Variants in CCNYL1 observed in about 807,000 individuals in gnomAD.
The protein encoded by CCNYL1 is cyclin Y like 1, also known as cyclin-Y-like protein 1.
Under a neutral mutation model 44.2 loss-of-function variants are expected in CCNYL1, and 16 were observed. The ratio of observed to expected loss-of-function variants is 0.36; its 90% CI spans 0.25 to 0.55. The LOEUF (loss-of-function observed/expected upper bound fraction) is 0.55. Among genes scored for constraint, CCNYL1 ranks in the 20% least tolerant of loss-of-function variants. CCNYL1 has a pLI of 0.85. For synonymous variants in CCNYL1, 159 were observed against 163.2 expected, an observed-to-expected ratio of 0.97 and a Z score of 0.20; for missense variants, 348 against 451.8, an observed-to-expected ratio of 0.77 and a Z score of 2.08.
intron 3 of CCNYL1, among the ~76,000 whole-genome samples, chr2:207,730,258 T>C (rs2091716989): frequency 6.6e-6 from 1 of 152,194 alleles, no homozygotes; most frequent in Admixed American, 6.5e-5. Context: ...TCCAACTACA[T>C]ATTTTCAGCC....
In CCNYL1 at chr2:207,747,223, T is replaced by C. The variant is rs747592867; in HGVS notation, c.806+10T>C. 6.3e-7 allele frequency: 1 copy of C among 1,595,048 alleles called. No individual in the cohort carries two copies. The highest frequency in any genetic ancestry group is 1.1e-5 in the South Asian group (1 of 89,066). ...TTACAGTTGAGGACATGTGAGTTTG[T>C]AAGGTTTTGGTGAACTTTCTAACCA... is the stretch of plus-strand genomic sequence containing the variant. On this transcript the variant is annotated intron_variant, in intron 8 of 9. Coordinates refer to ENST00000295414, the MANE Select transcript of CCNYL1 (RefSeq NM_001330218.2).
At chr2:207,722,438 A>G (rs981031304) in intron 1 of CCNYL1, among the ~76,000 whole-genome samples, 1 of 151,954 alleles carries the variant, frequency 6.6e-6, no homozygotes, top group Non-Finnish European at 1.5e-5. Context: ...AATACATAGT[A>G]GCACATCTTG....
intron 3 of CCNYL1, among the ~76,000 whole-genome samples, chr2:207,731,145 A>G (rs1176975840): frequency 6.6e-6 from 1 of 152,018 alleles, no homozygotes; most frequent in South Asian, 2.1e-4. Flanking sequence ...AATGTCAGAA[A>G]TTTTTAAGTT....
chr2:207,726,876 T>C lies in CCNYL1; in HGVS notation c.330T>C (p.His110=). ...REKRKSNHLN[H]VSPGQLTKKY... ...AGAGGAAGAGCAACCATTTGAACCA[T>C]GTAAGTAAACAGTTGGAAAGCTAAG... The change falls in exon 3 of 10, where the codon CAT becomes CAC. Residue 110 remains histidine, a splice_region_variant and synonymous_variant. Coordinates refer to ENST00000295414, the MANE Select transcript of CCNYL1 (RefSeq NM_001330218.2). 1.9e-6 allele frequency: 3 copies of C among 1,553,518 alleles called. No homozygotes were observed. Among genetic ancestry groups the C allele is most frequent in the East Asian group, 2.4e-5 (1 of 41,282 alleles).
At chr2:207,721,801 C>T (rs1199540791) in intron 1 of CCNYL1, among the ~76,000 whole-genome samples, 1 of 149,608 alleles carries the variant, frequency 6.7e-6, no homozygotes, top group Non-Finnish European at 1.5e-5. Context: ...GTGGCGCCAT[C>T]TCGGCTCACT....
chr2:207,713,119 TAACTC>T (rs1381758404), intron 1 of CCNYL1, among the ~76,000 whole-genome samples: 4 of 152,224 alleles, frequency 2.6e-5, no homozygotes, highest in Non-Finnish European at 4.4e-5. Context: ...CAGAGGTTGT[TAACTC>T]AAAGGAGTTT....
intron 1 of CCNYL1, among the ~76,000 whole-genome samples, chr2:207,722,073 A>ATT (rs397987558): frequency 0.046 from 5,509 of 119,406 alleles, 183 homozygotes; most frequent in Non-Finnish European, 0.049. Context: ...GTTGCCTTGG[A>ATT]TTTTTTTTTT....
At chr2:207,718,331 C>G (rs2091613219) in intron 1 of CCNYL1, among the ~76,000 whole-genome samples, 1 of 152,018 alleles carries the variant, frequency 6.6e-6, no homozygotes, top group African/African-American at 2.4e-5. Flanking sequence ...GGACAACGTG[C>G]TGAGACCCTG....
chr2:207,737,893 ACT>A (rs144281031), intron 5 of CCNYL1, among the ~76,000 whole-genome samples: 2 of 152,154 alleles, frequency 1.3e-5, no homozygotes, highest in East Asian at 1.9e-4. Context: ...ATGAAAAATA[ACT>A]CTCTTCTACA....
intron 6 of CCNYL1, among the ~76,000 whole-genome samples, chr2:207,742,001 A>G (rs2091814667): frequency 6.6e-6 from 1 of 150,590 alleles, no homozygotes; most frequent in African/African-American, 2.5e-5. Flanking sequence ...AAATACAAAA[A>G]CTAGCTGGGC....
At chr2:207,721,035 C>A (rs899515249) in intron 1 of CCNYL1, among the ~76,000 whole-genome samples, 2 of 152,082 alleles carry the variant, frequency 1.3e-5, no homozygotes, top group African/African-American at 4.8e-5. Flanking sequence ...GTAAGACTTA[C>A]CTGATGGGTG....
chr2:207,714,401 G>A, intron 1 of CCNYL1: 1 of 411,472 alleles, frequency 2.4e-6, no homozygotes, highest in Non-Finnish European at 4.7e-6. Context: ...GGCTCAAGCA[G>A]TCCTCCCACC....
At position 207,741,719 on chromosome 2, in the gene CCNYL1, G is replaced by A. The variant is rs979093108; in HGVS notation, c.520-504G>A. On this transcript the variant is annotated intron_variant, in intron 6 of 9. Coordinates refer to ENST00000295414, the MANE Select transcript of CCNYL1 (RefSeq NM_001330218.2). ...AAATTAGCCGGACATGTTGGTGCAC[G>A]CCTGTAATCCCAGCTACTCAGGAGG... Among the ~76,000 whole-genome samples, 3 of 151,806 alleles carry A rather than the reference G, an allele frequency of 2.0e-5. No individual in the cohort carries two copies. The East Asian group carries it at 5.8e-4, about 29-fold the overall frequency.
chr2:207,749,450 T>A (rs1302520701), intron 8 of CCNYL1, among the ~76,000 whole-genome samples: 1 of 152,154 alleles, frequency 6.6e-6, no homozygotes, highest in African/African-American at 2.4e-5. Flanking sequence ...ATTCAGACGG[T>A]TTGCTGTGCC....
intron 9 of CCNYL1, 137 bp from the exon 10 acceptor site, chr2:207,753,451 G>A: frequency 1.7e-6 from 1 of 589,422 alleles, no homozygotes. Context: ...ACCTGGCAGT[G>A]TAAAACTCAG....
chr2:207,729,278 CCA>C (rs2091705880), intron 3 of CCNYL1, among the ~76,000 whole-genome samples: 5 of 114,202 alleles, frequency 4.4e-5, no homozygotes, highest in African/African-American at 1.2e-4. Context: ...CCCACCCCCC[CCA>C]CCCCCCCGCA....
chr2:207,720,441 G>C (rs1304921887), intron 1 of CCNYL1, among the ~76,000 whole-genome samples: 2 of 147,216 alleles, frequency 1.4e-5, no homozygotes, highest in East Asian at 4.0e-4. Context: ...TCACAACTCT[G>C]CCTGTCGCCC....
At chr2:207,722,584 G>A (rs1281633894) in intron 1 of CCNYL1, among the ~76,000 whole-genome samples, 3 of 151,920 alleles carry the variant, frequency 2.0e-5, no homozygotes, top group Non-Finnish European at 4.4e-5. Context: ...GGCTTCTTCT[G>A]TAAACATTAG....
chr2:207,731,454 C>G (rs1264911512), intron 3 of CCNYL1, among the ~76,000 whole-genome samples: 1 of 152,016 alleles, frequency 6.6e-6, no homozygotes, highest in Non-Finnish European at 1.5e-5. Flanking sequence ...TATTCTTTGT[C>G]CCTATTTTGT....
Sources: allele counts gnomAD v4.1 joint callset (sites outside exome capture counted in the v4.1 genomes callset), GRCh38; gene constraint gnomAD v4.1.1; transcripts MANE v1.5; gene names NCBI Gene and HGNC (gene_info 2026-07-23, HGNC 2026-07-21).